The following CTNS variants were observed in gnomAD, a reference collection of about 807,000 sequenced individuals.
The protein encoded by CTNS is cystinosin.
Under a neutral mutation model 43.7 loss-of-function variants are expected in CTNS, and 27 were observed. The ratio of observed to expected loss-of-function variants is 0.62; its 90% CI spans 0.46 to 0.85. The LOEUF is 0.85. Among genes scored for constraint, CTNS ranks in the 40% least tolerant of loss-of-function variants. The pLI, the probability that CTNS is intolerant of heterozygous loss-of-function variation, is 0.00. For synonymous variants in CTNS, 187 were observed against 190.6 expected (o/e 0.98, Z 0.16); for missense variants, 457 against 475.4 (o/e 0.96, Z 0.36).
At chr17:3,658,239 C>T (rs2076202575) in intron 10 of CTNS, 64 bp downstream of exon 10, 7 of 1,595,140 alleles carry the variant, frequency 4.4e-6, no homozygotes, top group Non-Finnish European at 6.0e-6. Flanking sequence ...TGGCCCAGGC[C>T]CTGCTCCGGT....
intron 9 of CTNS, 76 bp from the exon 10 acceptor site, chr17:3,657,929 T>C: frequency 6.4e-7 from 1 of 1,567,598 alleles, no homozygotes; most frequent in Non-Finnish European, 8.7e-7. Flanking sequence ...AAGCCCGCCC[T>C]ATCCGGGGCC....
At chr17:3,650,200 C>G in intron 5 of CTNS, 1 of 1,550,446 alleles carries the variant, frequency 6.4e-7, no homozygotes, top group Non-Finnish European at 8.7e-7. Flanking sequence ...GAGAAGAATG[C>G]AGGGATGAGA....
intron 8 of CTNS, 41 bp from the exon 9 acceptor site, chr17:3,656,635 G>A (rs369956858): frequency 5.9e-5 from 95 of 1,611,646 alleles, no homozygotes; most frequent in African/African-American, 1.2e-4. Context: ...GTGGTGGCCC[G>A]GCTGCCCCTC....
chr17:3,638,834 A>C (rs531731346), intron 2 of CTNS, among the ~76,000 whole-genome samples: 6 of 152,186 alleles, frequency 3.9e-5, no homozygotes, highest in Non-Finnish European at 7.3e-5. Flanking sequence ...CAGGAGGGCA[A>C]TTCCTCCAAG....
intron 5 of CTNS, among the ~76,000 whole-genome samples, chr17:3,654,643 T>C (rs1463382024): frequency 2.9e-5 from 4 of 138,516 alleles, no homozygotes; most frequent in African/African-American, 8.2e-5. Context: ...ATCACTCCAC[T>C]ACACTCCAGC....
At chr17:3,655,191 G>A (rs200819991) in intron 6 of CTNS, 30 bp from the exon 7 acceptor site, 25 of 1,614,030 alleles carry the variant, frequency 1.5e-5, no homozygotes, top group Non-Finnish European at 2.1e-5. Flanking sequence ...CCCAGCCTCA[G>A]CTCATCCCGG....
chr17:3,647,669 C>T (rs1168130585), intron 4 of CTNS, 147 bp downstream of exon 4: 3 of 757,770 alleles, frequency 4.0e-6, no homozygotes, highest in African/African-American at 1.7e-5. Flanking sequence ...AGGGATGGTG[C>T]TAGCCCCGGG....
chr17:3,657,388 C>T (rs1347334141), intron 9 of CTNS, among the ~76,000 whole-genome samples: 3 of 152,198 alleles, frequency 2.0e-5, no homozygotes, highest in South Asian at 4.1e-4. Flanking sequence ...AGGCTGGGTC[C>T]GGGGACCCCT....
chr17:3,662,714 G>A lies in CTNS; in HGVS notation c.*2345G>A, dbSNP rs998109973. Among the ~76,000 whole-genome samples the A allele has an allele frequency of 6.6e-5, 10 of 151,198 alleles. No individual in the cohort carries two copies. The highest frequency in any genetic ancestry group is 4.2e-4 in the South Asian group (2 of 4,758). On this transcript the variant is annotated 3_prime_UTR_variant, in exon 12 of 12. Coordinates refer to ENST00000046640, the MANE Select transcript of CTNS (RefSeq NM_004937.3). ...CCCACAGATGTGGTTCTGGTCAGGC[G>A]CAGTGCAGCTGCTGCGGCTCCACCA...
rs1422953801 is a variant in CTNS at position 3,661,588 on chromosome 17, C to CA, written c.*1220dup. On this transcript the variant is annotated 3_prime_UTR_variant, in exon 12 of 12. Coordinates refer to ENST00000046640, the MANE Select transcript of CTNS (RefSeq NM_004937.3). ...AGGCAGGTGTGCTGGCCTTCAGAGCCAGGTGCCCTGCTCCCCTCGTGTAAG... is the reference window on the plus strand; with the variant it reads ...AGGCAGGTGTGCTGGCCTTCAGAGCCAAGGTGCCCTGCTCCCCTCGTGTAAG... 6.6e-6 allele frequency: 1 copy of CA among 152,326 alleles called. No homozygotes were observed. Among genetic ancestry groups the CA allele is most frequent in the Admixed American group, 6.5e-5 (1 of 15,286 alleles). 9.4% of individuals were successfully genotyped at this position (152,326 alleles called of 1,614,324 possible). A position where few individuals can be genotyped will look rare whatever the true frequency, so the allele number is the denominator to read the frequency against.
chr17:3,651,336 C>A (rs1002738025), intron 5 of CTNS, among the ~76,000 whole-genome samples: 1 of 152,152 alleles, frequency 6.6e-6, no homozygotes, highest in Non-Finnish European at 1.5e-5. Flanking sequence ...CTCAGGCGAT[C>A]CGCCCACCTC....
rs771140281 is a variant in CTNS, at chr17:3,648,887, A to C, written c.181A>C (p.Thr61Pro). ...NATLVITFEI[T>P]FRSKNITILE... ...AACCCTGGTGATCACTTTTGAAATC[A>C]CATTTCGTTCCAAAAATATTACTAT... The change falls in exon 5 of 12, where the codon ACA becomes CCA. Residue 61 changes from threonine (T) to proline (P), a missense_variant. Transcript: ENST00000046640. 1.2e-6 allele frequency: 2 copies of C among 1,614,098 alleles called. No individual in the cohort carries two copies. Among genetic ancestry groups the C allele is most frequent in the South Asian group, 2.2e-5 (2 of 91,088 alleles).
At chr17:3,652,352 G>A (rs1567706755) in intron 5 of CTNS, among the ~76,000 whole-genome samples, 1 of 152,194 alleles carries the variant, frequency 6.6e-6, no homozygotes, top group African/African-American at 2.4e-5. Flanking sequence ...AGCACTTCGG[G>A]AGGCCGAGGC....
Position 3,658,208 on chromosome 17 carries a change from G to A in CTNS, c.852+33G>A, listed in dbSNP as rs775684950. The A allele has an allele frequency of 9.9e-6, 16 of 1,610,868 alleles. No homozygotes were observed. The South Asian group carries it at 1.8e-4, about 18-fold the overall frequency. On this transcript the variant is annotated intron_variant, in intron 10 of 11. Coordinates refer to ENST00000046640, the MANE Select transcript of CTNS (RefSeq NM_004937.3). ...CAGGGCCCTGTTCACATGGCCGGTG[G>A]CAGGAGAGGTGAGAGCTACATGGCC...
At chr17:3,649,475 T>C (rs1425695235) in intron 5 of CTNS, among the ~76,000 whole-genome samples, 1 of 151,308 alleles carries the variant, frequency 6.6e-6, no homozygotes, top group Non-Finnish European at 1.5e-5. Context: ...AAAAAAGTTC[T>C]TACAATTTTC....
chr17:3,658,393 T>A (rs1185090214), intron 10 of CTNS, among the ~76,000 whole-genome samples: 1 of 152,152 alleles, frequency 6.6e-6, no homozygotes, highest in East Asian at 1.9e-4. Flanking sequence ...GGAGGCCCCT[T>A]GGACCCCACG....
At position 3,646,115 on chromosome 17, in the gene CTNS, G is replaced by A. The variant is rs574355814; in HGVS notation, c.62-1329G>A. On this transcript the variant is annotated intron_variant, in intron 3 of 11. Coordinates refer to ENST00000046640, the MANE Select transcript of CTNS (RefSeq NM_004937.3). ...TCATGACCATAACCCCAGGCTGTGTGTAACCCTGAAGGCAATCAGGCAGGG... is the reference window on the plus strand; with the variant it reads ...TCATGACCATAACCCCAGGCTGTGTATAACCCTGAAGGCAATCAGGCAGGG... Among the ~76,000 whole-genome samples the A allele has an allele frequency of 4.6e-5, 7 of 152,218 alleles. No individual in the cohort carries two copies. In the East Asian group the frequency reaches 1.4e-3, roughly 29 times the overall value.
intron 10 of CTNS, among the ~76,000 whole-genome samples, chr17:3,658,747 G>A (rs1290072744): frequency 1.3e-5 from 2 of 152,218 alleles, no homozygotes; most frequent in East Asian, 3.8e-4. Context: ...TGGGAGCCTC[G>A]TGTTCTGTGA....
intron 3 of CTNS, among the ~76,000 whole-genome samples, chr17:3,643,402 G>T (rs1052584596): frequency 6.6e-6 from 1 of 152,012 alleles, no homozygotes; most frequent in Non-Finnish European, 1.5e-5. Context: ...TATTGGGTAG[G>T]TGCAGAGTGG....
Sources: gnomAD v4.1 joint callset for allele counts (sites outside exome capture counted in the v4.1 genomes callset) on GRCh38, gnomAD v4.1.1 for gene constraint, MANE v1.5 for transcripts, NCBI Gene and HGNC (gene_info 2026-07-23, HGNC 2026-07-21) for gene names.